MYO5A: variants seen among roughly 807,000 people sequenced by gnomAD.
MYO5A encodes the protein myosin VA, also known as unconventional myosin-Va.
MYO5A carries 98 observed loss-of-function variants against 249.7 expected under a neutral mutation model. The ratio of observed to expected loss-of-function variants is 0.39; its 90% confidence interval spans 0.33 to 0.46. The LOEUF (loss-of-function observed/expected upper bound fraction) is 0.46, where lower values mean the gene tolerates loss of function less well. Among genes scored for constraint, MYO5A ranks in the 20% least tolerant of loss-of-function variants. The probability of loss-of-function intolerance (pLI) is 0.98; values close to 1 mark genes in which losing one functional copy is unlikely to be tolerated. For missense variants in MYO5A, 1,696 were observed against 2,308.8 expected (o/e 0.73, Z 5.44); for synonymous variants, 778 against 810.6 (o/e 0.96, Z 0.68).
intron 20 of MYO5A, 46 bp from the exon 21 acceptor site, chr15:52,372,409 A>G (rs1402853547): frequency 1.9e-6 from 3 of 1,595,832 alleles, no homozygotes; most frequent in East Asian, 2.2e-5. Context: ...CCTGGACTAC[A>G]CTCATGATTA....
intron 1 of MYO5A, among the ~76,000 whole-genome samples, chr15:52,490,076 G>T (rs1020367644): frequency 6.6e-6 from 1 of 152,106 alleles, no homozygotes; most frequent in Admixed American, 6.5e-5. Context: ...AACAAGAGTT[G>T]GACAGGATGT....
At chr15:52,332,798 T>A (rs1243633101) in intron 34 of MYO5A, among the ~76,000 whole-genome samples, 1 of 152,122 alleles carries the variant, frequency 6.6e-6, no homozygotes, top group Admixed American at 6.5e-5. Flanking sequence ...ACCCCATCTC[T>A]ACTAAAAATA....
rs1463633411 is a variant in MYO5A, at chr15:52,443,572, A to C, written c.28-10287T>G. Among the ~76,000 whole-genome samples, 3 of 151,792 alleles carry C rather than the reference A, an allele frequency of 2.0e-5. No homozygotes were observed. In the East Asian group the frequency reaches 5.8e-4, roughly 29 times the overall value. ...CTAAAAACACAAAAATTAGCTGGGC[A>C]TGGTGGTGGGTGCCTGTAATCCTAG... On this transcript the variant is annotated intron_variant, in intron 1 of 41. Coordinates refer to ENST00000399233, the MANE Select transcript of MYO5A (RefSeq NM_001382347.1).
intron 1 of MYO5A, among the ~76,000 whole-genome samples, chr15:52,445,590 G>A (rs2141352460): frequency 6.6e-6 from 1 of 152,354 alleles, no homozygotes; most frequent in East Asian, 1.9e-4. Flanking sequence ...CTCAGAAGAA[G>A]ACAGGAAGAA....
intron 1 of MYO5A, among the ~76,000 whole-genome samples, chr15:52,447,913 C>A (rs183390574): frequency 6.6e-6 from 1 of 152,174 alleles, no homozygotes; most frequent in African/African-American, 2.4e-5. Context: ...AGAAGATGTA[C>A]GGAAAAGCCT....
chr15:52,365,405 A>G (rs1351999388), intron 23 of MYO5A, among the ~76,000 whole-genome samples: 1 of 152,170 alleles, frequency 6.6e-6, no homozygotes, highest in Non-Finnish European at 1.5e-5. Flanking sequence ...CATGATCTGG[A>G]GATTGGAGAT....
At chr15:52,421,008 T>C (rs906906209) in intron 4 of MYO5A, among the ~76,000 whole-genome samples, 1 of 152,202 alleles carries the variant, frequency 6.6e-6, no homozygotes, top group Non-Finnish European at 1.5e-5. Context: ...GAGGATTACA[T>C]GCCTGGCACC....
At chr15:52,518,997 A>G (rs1282074435) in intron 1 of MYO5A, among the ~76,000 whole-genome samples, 1 of 152,198 alleles carries the variant, frequency 6.6e-6, no homozygotes, top group Non-Finnish European at 1.5e-5. Context: ...CGTTATAACA[A>G]ATCATAACAG....
chr15:52,461,378 A>C lies in MYO5A; in HGVS notation c.28-28093T>G, dbSNP rs142014088. On this transcript the variant is annotated intron_variant, in intron 1 of 41. Coordinates refer to ENST00000399233, the MANE Select transcript of MYO5A (RefSeq NM_001382347.1). ...AACATTGCCTGATGTTTTTGCAATT[A>C]TTAATAAACAATAAATCATCTTAAC... 6.8e-4 allele frequency among the ~76,000 whole-genome samples: 103 copies of C among 152,314 alleles called. 1 individual carries two copies. Among genetic ancestry groups the C allele is most frequent in the African/African-American group, 2.2e-3 (93 of 41,558 alleles).
intron 1 of MYO5A, among the ~76,000 whole-genome samples, chr15:52,514,471 G>A (rs1280306396): frequency 1.3e-5 from 2 of 152,172 alleles, no homozygotes; most frequent in Non-Finnish European, 2.9e-5. Flanking sequence ...ACTGGGGTCC[G>A]GAAGAACTAA....
chr15:52,351,596 C>T, intron 27 of MYO5A, 115 bp from the exon 28 acceptor site: 1 of 1,016,280 alleles, frequency 9.8e-7, no homozygotes, highest in South Asian at 1.3e-5. Flanking sequence ...TCAGAGTTAC[C>T]CTAGTGAATG....
At chr15:52,333,924 C>G (rs2039002793) in intron 34 of MYO5A, among the ~76,000 whole-genome samples, 1 of 152,186 alleles carries the variant, frequency 6.6e-6, no homozygotes. Context: ...GGGGTAGAAG[C>G]AGGTACACTG....
At chr15:52,400,514 G>T (rs1775476532) in intron 9 of MYO5A, among the ~76,000 whole-genome samples, 1 of 151,966 alleles carries the variant, frequency 6.6e-6, no homozygotes, top group African/African-American at 2.4e-5. Flanking sequence ...AATTTTTATG[G>T]TCCAGGATTC....
rs781079093 is a variant in MYO5A, at chr15:52,384,249, C to T, written c.1826G>A (p.Arg609His). 126 of 1,614,024 alleles carry T rather than the reference C, an allele frequency of 7.8e-5. No individual in the cohort carries two copies. Among genetic ancestry groups the T allele is most frequent in the Non-Finnish European group, 9.6e-5 (113 of 1,180,004 alleles). ...TGCAGGAGTTCGTGTGAGGGGTGTG[C>T]GCCCTGAGGAGGTGGCTGAAGTTGG... Reference protein sequence around the residue: ...ISPTSATSSGRTPLTRTPAKP... With the variant: ...ISPTSATSSGHTPLTRTPAKP... Residue 609 changes from arginine (R) to histidine (H), a missense_variant, in exon 15 of 42, where the codon CGC becomes CAC. Physicochemically the swap from Arg to His is conservative, Grantham distance 29. Transcript: ENST00000399233.
rs2037683063 is a variant in MYO5A, at chr15:52,308,427, A to G, written c.*5269T>C. The G allele has an allele frequency of 6.6e-6, 1 of 152,236 alleles. No homozygotes were observed. The highest frequency in any genetic ancestry group is 1.5e-5 in the Non-Finnish European group (1 of 68,038). 9.4% of individuals were successfully genotyped at this position (152,236 alleles called of 1,614,324 possible). A position where few individuals can be genotyped will look rare whatever the true frequency, so the allele number is the denominator to read the frequency against. ...GGGTTCTTAAAAAATTTTGAAAAGAATGTCCACAAAAAGTTTGAGTTATAC... is the reference window on the plus strand; with the variant it reads ...GGGTTCTTAAAAAATTTTGAAAAGAGTGTCCACAAAAAGTTTGAGTTATAC... On this transcript the variant is annotated 3_prime_UTR_variant, in exon 42 of 42. Transcript: ENST00000399233.
chr15:52,416,710 C>T (rs2043513362), intron 4 of MYO5A, among the ~76,000 whole-genome samples: 1 of 152,130 alleles, frequency 6.6e-6, no homozygotes, highest in African/African-American at 2.4e-5. Flanking sequence ...TTGAGACATG[C>T]ATTACATCAT....
chr15:52,509,737 G>C (rs1321067931), intron 1 of MYO5A, among the ~76,000 whole-genome samples: 5 of 152,196 alleles, frequency 3.3e-5, no homozygotes, highest in African/African-American at 4.8e-5. Flanking sequence ...AAGGCAAAGA[G>C]AGAGCAGCCT....
intron 14 of MYO5A, 39 bp from the exon 15 acceptor site, chr15:52,384,361 C>G: frequency 6.3e-7 from 1 of 1,589,582 alleles, no homozygotes; most frequent in Non-Finnish European, 8.6e-7. Context: ...CATTCTAAAC[C>G]AAACTTGAAC....
In MYO5A at chr15:52,383,160, T is replaced by G; in HGVS notation, c.1943A>C (p.Glu648Ala). The G allele has an allele frequency of 2.5e-6, 4 of 1,613,960 alleles. No homozygotes were observed. Among genetic ancestry groups the G allele is most frequent in the Non-Finnish European group, 3.4e-6 (4 of 1,179,878 alleles). The change falls in exon 16 of 42, where the codon GAG becomes GCG. Residue 648 changes from glutamate to alanine, a missense_variant. Physicochemically the swap from Glu to Ala is moderately radical, Grantham distance 107. Coordinates refer to ENST00000399233, the MANE Select transcript of MYO5A (RefSeq NM_001382347.1). ...GTGAGGGGTAGTGGCATTGAGTGTC[T>G]CCATAAGCAGGTGCAGGGAGTTTCT... ...QFRNSLHLLMETLNATTPHYV... is the reference protein window; with the variant it reads ...QFRNSLHLLMATLNATTPHYV...
Sources: gnomAD v4.1 joint callset for allele counts (sites outside exome capture counted in the v4.1 genomes callset) on GRCh38, gnomAD v4.1.1 for gene constraint, MANE v1.5 for transcripts, NCBI Gene and HGNC (gene_info 2026-07-23, HGNC 2026-07-21) for gene names.